CDH18: variants seen among roughly 807,000 people sequenced by gnomAD.
The protein encoded by CDH18 is cadherin 18, also known as cadherin-18.
CDH18 carries 31 observed loss-of-function variants against 67.9 expected under a neutral mutation model. The observed-to-expected ratio is 0.46, with a 90% confidence interval of 0.34 to 0.62. The LOEUF (loss-of-function observed/expected upper bound fraction) is 0.62. Among genes scored for constraint, CDH18 ranks in the 20% least tolerant of loss-of-function variants. The pLI is 0.01. For missense variants in CDH18, 890 were observed against 975.5 expected, an observed-to-expected ratio of 0.91 and a Z score of 1.17; for synonymous variants, 362 against 347.2, an observed-to-expected ratio of 1.04 and a Z score of -0.48.
At chr5:19,673,228 A>G (rs765633174) in intron 5 of CDH18, among the ~76,000 whole-genome samples, 3 of 152,100 alleles carry the variant, frequency 2.0e-5, no homozygotes, top group Non-Finnish European at 4.4e-5. Context: ...GTCAGGTTAA[A>G]TATCATCAGA....
intron 1 of CDH18, among the ~76,000 whole-genome samples, chr5:20,405,681 C>T (rs1157402433): frequency 6.6e-6 from 1 of 152,134 alleles, no homozygotes; most frequent in Non-Finnish European, 1.5e-5. Flanking sequence ...TTTTTGCAAT[C>T]TACTCATCTG....
intron 2 of CDH18, among the ~76,000 whole-genome samples, chr5:20,045,033 G>A (rs972389365): frequency 6.6e-6 from 1 of 152,052 alleles, no homozygotes; most frequent in Non-Finnish European, 1.5e-5. Flanking sequence ...ATTCTAGAGA[G>A]AAAGATTATT....
intron 1 of CDH18, among the ~76,000 whole-genome samples, chr5:20,340,223 AAAGGAC>A (rs1740142144): frequency 6.6e-6 from 1 of 152,210 alleles, no homozygotes; most frequent in African/African-American, 2.4e-5. Flanking sequence ...AACAAATATG[AAAGGAC>A]AAGTTTATTA....
intron 2 of CDH18, among the ~76,000 whole-genome samples, chr5:19,884,696 T>TA (rs972815545): frequency 3.9e-5 from 6 of 152,000 alleles, no homozygotes; most frequent in Non-Finnish European, 8.8e-5. Flanking sequence ...CCTGTGTTTT[T>TA]AAAAAAAGTA....
chr5:20,071,429 T>G (rs2150525744), intron 2 of CDH18, among the ~76,000 whole-genome samples: 2 of 152,038 alleles, frequency 1.3e-5, no homozygotes, highest in East Asian at 3.9e-4. Context: ...CCCTTCCCAT[T>G]TTCTAGTCTT....
chr5:20,314,684 A>G (rs1490004364), intron 1 of CDH18, among the ~76,000 whole-genome samples: 3 of 152,064 alleles, frequency 2.0e-5, no homozygotes. Flanking sequence ...ATTAAGAAAT[A>G]TGTGCTACCA....
intron 2 of CDH18, among the ~76,000 whole-genome samples, chr5:19,912,062 T>G (rs1242005866): frequency 6.6e-6 from 1 of 152,096 alleles, no homozygotes; most frequent in Non-Finnish European, 1.5e-5. Context: ...AGGTTACATG[T>G]TACTCTTTGG....
intron 2 of CDH18, among the ~76,000 whole-genome samples, chr5:19,897,443 GT>G (rs1297817958): frequency 6.6e-6 from 1 of 152,142 alleles, no homozygotes; most frequent in Non-Finnish European, 1.5e-5. Context: ...TAGTCAGGTT[GT>G]GGACAAACTA....
rs553534238 is a variant in CDH18, at chr5:19,644,737, C to T, written c.644-32136G>A. Among the ~76,000 whole-genome samples, 8 of 152,240 alleles carry T rather than the reference C, an allele frequency of 5.3e-5. 1 individual carries two copies. In the South Asian group the frequency reaches 1.7e-3, roughly 32 times the overall value. On this transcript the variant is annotated intron_variant, in intron 5 of 12. Coordinates refer to ENST00000382275, the MANE Select transcript of CDH18 (RefSeq NM_004934.5). ...GGTATGACCCGTGAAGCATCTGCAC[C>T]TCTCTCAGGCTGCTGAACCTCTGAA...
chr5:19,929,472 G>A (rs1279715306), intron 2 of CDH18, among the ~76,000 whole-genome samples: 1 of 152,102 alleles, frequency 6.6e-6, no homozygotes, highest in African/African-American at 2.4e-5. Context: ...GAAATGTTGA[G>A]ACGAAGAATA....
chr5:19,935,343 T>C (rs1287088950), intron 2 of CDH18, among the ~76,000 whole-genome samples: 1 of 151,374 alleles, frequency 6.6e-6, no homozygotes, highest in Non-Finnish European at 1.5e-5. Context: ...TACAGTTCTG[T>C]GCCCTATATT....
At chr5:20,325,519 T>C (rs1251473393) in intron 1 of CDH18, among the ~76,000 whole-genome samples, 1 of 152,166 alleles carries the variant, frequency 6.6e-6, no homozygotes, top group Non-Finnish European at 1.5e-5. Flanking sequence ...TCATCCACTG[T>C]GACCCTATGA....
intron 2 of CDH18, among the ~76,000 whole-genome samples, chr5:20,083,263 T>C (rs1247198884): frequency 6.6e-6 from 1 of 152,186 alleles, no homozygotes; most frequent in Non-Finnish European, 1.5e-5. Flanking sequence ...ATAATTAATA[T>C]GAAAGTCAAG....
intron 1 of CDH18, among the ~76,000 whole-genome samples, chr5:20,273,126 T>A (rs1003751679): frequency 6.6e-6 from 1 of 152,076 alleles, no homozygotes; most frequent in Non-Finnish European, 1.5e-5. Flanking sequence ...AGTCTTGTAA[T>A]TTTAAGGTAC....
chr5:20,407,781 G>A (rs913224707), intron 1 of CDH18, among the ~76,000 whole-genome samples: 5 of 151,644 alleles, frequency 3.3e-5, no homozygotes, highest in Admixed American at 2.0e-4. Flanking sequence ...TCATCAAGGA[G>A]ACAAATATAC....
At chr5:19,697,869 T>C (rs994019006) in intron 5 of CDH18, among the ~76,000 whole-genome samples, 1 of 152,134 alleles carries the variant, frequency 6.6e-6, no homozygotes, top group Non-Finnish European at 1.5e-5. Flanking sequence ...TGCCCAGGGA[T>C]CCACCTCTAT....
At chr5:20,232,977 T>C (rs1742189374) in intron 2 of CDH18, among the ~76,000 whole-genome samples, 1 of 151,922 alleles carries the variant, frequency 6.6e-6, no homozygotes, top group African/African-American at 2.4e-5. Flanking sequence ...ATATATGTCT[T>C]ATAGGTTGCA....
intron 2 of CDH18, among the ~76,000 whole-genome samples, chr5:20,073,296 T>C (rs1743644577): frequency 6.6e-6 from 1 of 152,034 alleles, no homozygotes; most frequent in Admixed American, 6.6e-5. Context: ...TTCATTGCTC[T>C]TTTCTTTTTC....
chr5:19,884,815 TA>T (rs1788028188), intron 2 of CDH18, among the ~76,000 whole-genome samples: 1 of 152,054 alleles, frequency 6.6e-6, no homozygotes, highest in Non-Finnish European at 1.5e-5. Context: ...AAAAATTTTT[TA>T]AACAGTCACT....
Sources: allele counts gnomAD v4.1 joint callset (sites outside exome capture counted in the v4.1 genomes callset), GRCh38; gene constraint gnomAD v4.1.1; transcripts MANE v1.5; gene names NCBI Gene and HGNC (gene_info 2026-07-23, HGNC 2026-07-21).